The following PLCB1 variants were observed in gnomAD, a reference collection of about 807,000 sequenced individuals.
PLCB1 encodes 1-phosphatidylinositol 4,5-bisphosphate phosphodiesterase beta-1.
PLCB1 carries 46 observed loss-of-function variants against 161.8 expected under a neutral mutation model. The observed-to-expected ratio is 0.28, with a 90% CI of 0.22 to 0.36. The LOEUF (loss-of-function observed/expected upper bound fraction) is 0.36, where lower values mean the gene tolerates loss of function less well. Ranked by LOEUF, PLCB1 falls within the 10% of genes least tolerant of loss-of-function variation. The pLI, the probability that PLCB1 is intolerant of heterozygous loss-of-function variation, is 1.00. For synonymous variants in PLCB1, 517 were observed against 503.7 expected, an observed-to-expected ratio of 1.03 and a Z score of -0.35; for missense variants, 1,016 against 1,472.5, an observed-to-expected ratio of 0.69 and a Z score of 5.07.
intron 31 of PLCB1, among the ~76,000 whole-genome samples, chr20:8,812,549 G>C (rs1377639513): frequency 6.6e-6 from 1 of 152,146 alleles, no homozygotes; most frequent in Non-Finnish European, 1.5e-5. Flanking sequence ...CTCTACCGGG[G>C]CATCTCGCCC....
chr20:8,211,275 A>G (rs1978810379), intron 2 of PLCB1, among the ~76,000 whole-genome samples: 1 of 152,080 alleles, frequency 6.6e-6, no homozygotes, highest in Non-Finnish European at 1.5e-5. Context: ...TGGATAAGAA[A>G]GGAGCAGGAG....
At chr20:8,838,253 T>A (rs2146286803) in intron 31 of PLCB1, among the ~76,000 whole-genome samples, 1 of 152,252 alleles carries the variant, frequency 6.6e-6, no homozygotes, top group Middle Eastern at 3.4e-3. Context: ...CTTTCTCCCA[T>A]CCTTCTCCAA....
intron 9 of PLCB1, among the ~76,000 whole-genome samples, chr20:8,684,084 C>T (rs1353551593): frequency 6.6e-6 from 1 of 151,698 alleles, no homozygotes; most frequent in African/African-American, 2.4e-5. Flanking sequence ...CGAGGTTTCA[C>T]CGTGTTAGCC....
chr20:8,768,525 C>T (rs189382429), intron 26 of PLCB1, among the ~76,000 whole-genome samples: 29 of 152,262 alleles, frequency 1.9e-4, no homozygotes, highest in African/African-American at 3.1e-4. Context: ...TGAAGTTTAC[C>T]GGGATGTTAT....
chr20:8,526,580 C>G (rs1984592740), intron 3 of PLCB1, among the ~76,000 whole-genome samples: 1 of 152,086 alleles, frequency 6.6e-6, no homozygotes, highest in African/African-American at 2.4e-5. Flanking sequence ...AATAAACATT[C>G]TTACTGTCCT....
chr20:8,387,977 T>TTAA (rs1555802978), intron 3 of PLCB1, among the ~76,000 whole-genome samples: 10,346 of 126,504 alleles, frequency 0.082, 538 homozygotes, highest in African/African-American at 0.14. Context: ...CCACTTTTTT[T>TTAA]AAAAAAAAAA....
chr20:8,718,462 G>C (rs1759986298), intron 14 of PLCB1, among the ~76,000 whole-genome samples: 1 of 152,148 alleles, frequency 6.6e-6, no homozygotes, highest in Non-Finnish European at 1.5e-5. Flanking sequence ...CTGTTTCCTT[G>C]CTTTTTCCAG....
Position 8,825,186 on chromosome 20 carries a change from AC to A in PLCB1, c.3423+34932del, listed in dbSNP as rs765338733. 8.5e-5 allele frequency among the ~76,000 whole-genome samples: 13 copies of A among 152,102 alleles called. No individual in the cohort carries two copies. The East Asian group carries it at 2.3e-3, about 27-fold the overall frequency. On this transcript the variant is annotated intron_variant, in intron 31 of 31. Coordinates refer to ENST00000338037, the MANE Select transcript of PLCB1 (RefSeq NM_015192.4). ...CATTGTCCCTGCTCCAGTGAAATTT[AC>A]CCCCCCAAAAAAGGAGAGAAGGAAC... is the stretch of plus-strand genomic sequence containing the variant.
chr20:8,489,019 T>C (rs970308080), intron 3 of PLCB1, among the ~76,000 whole-genome samples: 1 of 152,228 alleles, frequency 6.6e-6, no homozygotes, highest in Non-Finnish European at 1.5e-5. Context: ...TTTTTCTAAA[T>C]AAAATACCTC....
chr20:8,395,824 A>C (rs1451831415), intron 3 of PLCB1, among the ~76,000 whole-genome samples: 2 of 152,032 alleles, frequency 1.3e-5, no homozygotes, highest in Non-Finnish European at 2.9e-5. Flanking sequence ...CATTTTAAAA[A>C]AAAAACAAAT....
intron 31 of PLCB1, among the ~76,000 whole-genome samples, chr20:8,845,910 A>G (rs1028288099): frequency 6.6e-6 from 1 of 152,222 alleles, no homozygotes; most frequent in Non-Finnish European, 1.5e-5. Flanking sequence ...CCTGGCTGCC[A>G]AGTGTCCTGT....
chr20:8,162,224 T>C (rs2051632569), intron 2 of PLCB1, among the ~76,000 whole-genome samples: 1 of 152,228 alleles, frequency 6.6e-6, no homozygotes, highest in African/African-American at 2.4e-5. Flanking sequence ...TTTATTAACC[T>C]TATATTTGTG....
At chr20:8,651,259 A>G (rs530819515) in intron 7 of PLCB1, among the ~76,000 whole-genome samples, 1 of 152,310 alleles carries the variant, frequency 6.6e-6, no homozygotes, top group African/African-American at 2.4e-5. Flanking sequence ...TCTTAGACTT[A>G]TGATTGAATT....
chr20:8,377,324 AT>A (rs1244660108), intron 3 of PLCB1, among the ~76,000 whole-genome samples: 1 of 152,140 alleles, frequency 6.6e-6, no homozygotes, highest in Non-Finnish European at 1.5e-5. Context: ...AGCAAAGCAT[AT>A]TTCAGGAATA....
At chr20:8,229,532 T>A (rs1293771440) in intron 2 of PLCB1, among the ~76,000 whole-genome samples, 1 of 152,140 alleles carries the variant, frequency 6.6e-6, no homozygotes, top group African/African-American at 2.4e-5. Flanking sequence ...AAAATTCAAT[T>A]CCTCCATTGC....
chr20:8,195,085 GC>G (rs2052007496), intron 2 of PLCB1, among the ~76,000 whole-genome samples: 1 of 151,958 alleles, frequency 6.6e-6, no homozygotes, highest in Non-Finnish European at 1.5e-5. Context: ...CTCTTTCCCT[GC>G]TTTAAGTAGA....
At chr20:8,568,535 C>A (rs549802215) in intron 3 of PLCB1, among the ~76,000 whole-genome samples, 1 of 152,270 alleles carries the variant, frequency 6.6e-6, no homozygotes, top group Admixed American at 6.5e-5. Flanking sequence ...GCTTAAAAGT[C>A]ATAAAAATCA....
intron 2 of PLCB1, among the ~76,000 whole-genome samples, chr20:8,283,413 C>T (rs1160796357): frequency 6.6e-6 from 1 of 151,748 alleles, no homozygotes; most frequent in Non-Finnish European, 1.5e-5. Context: ...CATTACTTTA[C>T]TGCATTACAT....
chr20:8,754,681 C>G (rs1028369), intron 23 of PLCB1, among the ~76,000 whole-genome samples: 139,885 of 152,198 alleles, frequency 0.92, 64,689 homozygotes, highest in East Asian at 1. Context: ...GGGAGGCCAG[C>G]AAAGCGTTAC....
Sources: gnomAD v4.1 joint callset for allele counts (sites outside exome capture counted in the v4.1 genomes callset) on GRCh38, gnomAD v4.1.1 for gene constraint, MANE v1.5 for transcripts, NCBI Gene and HGNC (gene_info 2026-07-23, HGNC 2026-07-21) for gene names.